The following USH1C variants were observed in gnomAD, a reference collection of about 807,000 sequenced individuals.
USH1C encodes USH1 protein network component harmonin.
A neutral mutation model predicts 119.3 loss-of-function variants in USH1C; 90 were observed. The observed-to-expected ratio is 0.75, with a 90% CI of 0.64 to 0.90. The LOEUF (loss-of-function observed/expected upper bound fraction) is 0.90, where lower values mean the gene tolerates loss of function less well. Ranked by LOEUF, USH1C falls within the 40% of genes least tolerant of loss-of-function variation. The pLI is 0.00. For missense variants in USH1C, 1,165 were observed against 1,167.7 expected (o/e 1.00, Z 0.03); for synonymous variants, 465 against 443.3 (o/e 1.05, Z -0.62).
chr11:17,507,634 T>C (rs1015532590), intron 18 of USH1C, among the ~76,000 whole-genome samples: 5 of 152,262 alleles, frequency 3.3e-5, no homozygotes, highest in Non-Finnish European at 7.3e-5. Context: ...TTGATTCGAA[T>C]AGGTAGCTGC....
chr11:17,494,645 G>C, intron 26 of USH1C: 1 of 538,554 alleles, frequency 1.9e-6, no homozygotes, highest in Non-Finnish European at 3.4e-6. Flanking sequence ...CTTTGCAAAA[G>C]GCAAGTAACA....
chr11:17,541,919 A>G, intron 1 of USH1C, among the ~76,000 whole-genome samples: 1 of 152,144 alleles, frequency 6.6e-6, no homozygotes, highest in East Asian at 1.9e-4. Context: ...ACTCAGGGAG[A>G]GTGGGTGGCT....
At chr11:17,525,912 A>T (rs80330105) in intron 8 of USH1C, among the ~76,000 whole-genome samples, 3,845 of 152,316 alleles carry the variant, frequency 0.025, 170 homozygotes, top group African/African-American at 0.087. Flanking sequence ...AGAAGTGTCA[A>T]CACCAAGGCT....
At chr11:17,499,204 A>G (rs1299157336) in intron 23 of USH1C, among the ~76,000 whole-genome samples, 1 of 152,240 alleles carries the variant, frequency 6.6e-6, no homozygotes, top group Non-Finnish European at 1.5e-5. Flanking sequence ...TGATGTCCAC[A>G]GAACACTCTC....
chr11:17,504,846 A>G (rs1849588704), intron 19 of USH1C, 149 bp from the exon 20 acceptor site: 1 of 748,004 alleles, frequency 1.3e-6, no homozygotes, highest in Non-Finnish European at 2.3e-6. Flanking sequence ...AGGCCTGCTC[A>G]ATGCCCAAAG....
chr11:17,501,639 C>G (rs1011371291), intron 21 of USH1C, 104 bp from the exon 22 acceptor site: 2 of 1,342,540 alleles, frequency 1.5e-6, no homozygotes, highest in African/African-American at 2.9e-5. Context: ...CTGGGCCCCA[C>G]AGAGCACATG....
chr11:17,496,860 T>C (rs368408697), intron 24 of USH1C, 47 bp from the exon 25 acceptor site: 373 of 1,607,876 alleles, frequency 2.3e-4, no homozygotes, highest in Non-Finnish European at 3.0e-4. Context: ...AGTTGGATGG[T>C]GCATCTGCCC....
Position 17,516,267 on chromosome 11 carries a change from C to G in USH1C, c.1234G>C (p.Asp412His). ...PKSFGWFYRY[D>H]GKFPTIRKKG... ...TTCCGGATGGTTGGGAATTTGCCAT[C>G]GTAACGATAAAACCATCCAAAAGCT... The change falls in exon 15 of 27, where the codon GAT becomes CAT. Residue 412 changes from aspartate to histidine, a missense_variant. By Grantham distance (81) the Asp-to-His change is moderately conservative (BLOSUM62 -1). Coordinates refer to ENST00000005226, the MANE Select transcript of USH1C (RefSeq NM_153676.4). 6.2e-7 allele frequency: 1 copy of G among 1,613,528 alleles called. No individual in the cohort carries two copies. The highest frequency in any genetic ancestry group is 8.5e-7 in the Non-Finnish European group (1 of 1,179,862).
rs375498939 is a variant in USH1C at position 17,504,717 on chromosome 11, A to G, written c.2134-20T>C. The G allele has an allele frequency of 1.4e-5, 23 of 1,613,708 alleles. No individual in the cohort carries two copies. The highest frequency in any genetic ancestry group is 1.2e-4 in the African/African-American group (9 of 75,038). On this transcript the variant is annotated intron_variant, in intron 19 of 26. Coordinates refer to ENST00000005226, the MANE Select transcript of USH1C (RefSeq NM_153676.4). ...CTGTGGCTGCCAGAGGAAAAAAAAA[A>G]AAGTTCCACATTGGATGTTACCAAT...
At chr11:17,539,200 T>C (rs887222079) in intron 1 of USH1C, among the ~76,000 whole-genome samples, 1 of 152,134 alleles carries the variant, frequency 6.6e-6, no homozygotes, top group Non-Finnish European at 1.5e-5. Flanking sequence ...GCCACATCTT[T>C]CTCTGTGCAC....
At chr11:17,522,554 C>T (rs942755065) in intron 12 of USH1C, among the ~76,000 whole-genome samples, 23 of 152,274 alleles carry the variant, frequency 1.5e-4, no homozygotes, top group African/African-American at 5.5e-4. Context: ...TTTCCATATT[C>T]TTGGAATGTT....
intron 2 of USH1C, among the ~76,000 whole-genome samples, chr11:17,532,510 G>A (rs1851035505): frequency 6.6e-6 from 1 of 152,006 alleles, no homozygotes; most frequent in Non-Finnish European, 1.5e-5. Context: ...ATGTTGCCCA[G>A]GCTGGTCTCT....
intron 8 of USH1C, among the ~76,000 whole-genome samples, chr11:17,525,932 G>A (rs1850647632): frequency 6.6e-6 from 1 of 152,328 alleles, no homozygotes. Context: ...TGGGTGCGGT[G>A]CTTCATGCCT....
In USH1C at chr11:17,509,702, T is replaced by C; in HGVS notation, c.1667A>G (p.Lys556Arg). 6.3e-7 allele frequency: 1 copy of C among 1,599,746 alleles called. No individual in the cohort carries two copies. The highest frequency in any genetic ancestry group is 8.5e-7 in the Non-Finnish European group (1 of 1,179,186). ...IPLDMFYYPPKTPSALPVMPH... is the reference protein window; with the variant it reads ...IPLDMFYYPPRTPSALPVMPH... ...CATCACAGGCAAGGCAGAGGGAGTC[T>C]TGGGGGGATAGTAGAACATGTCCAA... Residue 556 changes from lysine (K) to arginine (R), a missense_variant, in exon 18 of 27, where the codon AAG (lysine) becomes AGG (arginine). By Grantham distance (26) the Lys-to-Arg change is conservative. Transcript: ENST00000005226.
chr11:17,526,601 G>A (rs1325084066), intron 7 of USH1C, 152 bp downstream of exon 7: 8 of 1,122,304 alleles, frequency 7.1e-6, no homozygotes, highest in Admixed American at 2.0e-5. Context: ...CTGGCCGAGG[G>A]CTGCTGCCCC....
intron 4 of USH1C, among the ~76,000 whole-genome samples, chr11:17,530,025 G>T (rs1180203114): frequency 6.6e-6 from 1 of 152,158 alleles, no homozygotes; most frequent in Non-Finnish European, 1.5e-5. Context: ...ATAATGAAGG[G>T]GCTGAAATTT....
chr11:17,501,051 C>T lies in USH1C; in HGVS notation c.2380G>A (p.Gly794Ser), dbSNP rs1437881760. 11 of 1,613,092 alleles carry T rather than the reference C, an allele frequency of 6.8e-6. No homozygotes were observed. The East Asian group carries it at 2.5e-4, about 36-fold the overall frequency. Reference protein sequence around the residue: ...VYERGAAERHGGIVKGDEIMA... With the variant: ...VYERGAAERHSGIVKGDEIMA... ...CTGGGTGTGGCTAGTCTCCACTCAC[C>T]ATGCCGCTCAGCAGCTCCCCGCTCA... is the stretch of plus-strand genomic sequence containing the variant. Residue 794 changes from glycine (G) to serine (S), a missense_variant and splice_region_variant, in exon 23 of 27, where the codon GGT becomes AGT. Gly to Ser is a moderately conservative substitution (Grantham distance 56, BLOSUM62 0). Transcript: ENST00000005226.
At chr11:17,516,154 T>A in intron 15 of USH1C, 87 bp downstream of exon 15, 1 of 1,424,444 alleles carries the variant, frequency 7.0e-7, no homozygotes, top group Non-Finnish European at 9.8e-7. Context: ...CACCATTTAG[T>A]GTTGATAGGA....
chr11:17,499,205 G>C (rs1849349290), intron 23 of USH1C, among the ~76,000 whole-genome samples: 1 of 152,206 alleles, frequency 6.6e-6, no homozygotes, highest in South Asian at 2.1e-4. Context: ...GATGTCCACA[G>C]AACACTCTCC....
Sources: allele counts gnomAD v4.1 joint callset (sites outside exome capture counted in the v4.1 genomes callset), GRCh38; gene constraint gnomAD v4.1.1; transcripts MANE v1.5; gene names NCBI Gene and HGNC (gene_info 2026-07-23, HGNC 2026-07-21).